Variants in STXBP5 observed in about 807,000 individuals in gnomAD.
STXBP5 encodes the protein syntaxin binding protein 5.
In STXBP5, 50 loss-of-function variants were observed where a neutral mutation model predicts 152.4. The ratio of observed to expected loss-of-function variants is 0.33; its 90% confidence interval spans 0.26 to 0.42. The LOEUF is 0.42. STXBP5 is among the 10% of genes least tolerant of loss of function. STXBP5 has a pLI of 1.00. For synonymous variants in STXBP5, 492 were observed against 494.7 expected, an observed-to-expected ratio of 0.99 and a Z score of 0.07; for missense variants, 1,167 against 1,388.6, an observed-to-expected ratio of 0.84 and a Z score of 2.54.
chr6:147,260,955 T>C (rs1779614153), intron 5 of STXBP5, among the ~76,000 whole-genome samples: 1 of 152,134 alleles, frequency 6.6e-6, no homozygotes, highest in Admixed American at 6.6e-5. Flanking sequence ...TATAGAGATA[T>C]ATGCACATTA....
intron 4 of STXBP5, among the ~76,000 whole-genome samples, chr6:147,242,331 G>GT (rs1194906051): frequency 1.3e-5 from 2 of 152,170 alleles, no homozygotes; most frequent in Admixed American, 1.3e-4. Flanking sequence ...CATTTAAAAT[G>GT]TTTATGACGT....
chr6:147,213,477 T>TGTGCGCGCGCGCGCGCGC, intron 2 of STXBP5, among the ~76,000 whole-genome samples: 60 of 131,310 alleles, frequency 4.6e-4, no homozygotes, highest in Non-Finnish European at 6.3e-4. Flanking sequence ...TGTGTGTGTG[T>TGTGCGCGCGCGCGCGCGC]GCGCGCGCAT....
At chr6:147,269,937 A>G (rs1159701346) in intron 7 of STXBP5, among the ~76,000 whole-genome samples, 3 of 152,204 alleles carry the variant, frequency 2.0e-5, no homozygotes, top group Non-Finnish European at 4.4e-5. Context: ...GATGAAAACT[A>G]TATACTCAGA....
chr6:147,337,064 A>G (rs917966572), intron 19 of STXBP5, among the ~76,000 whole-genome samples: 1 of 152,040 alleles, frequency 6.6e-6, no homozygotes, highest in Admixed American at 6.6e-5. Flanking sequence ...TGCATCCTGA[A>G]CGAATGAAGG....
chr6:147,314,673 A>G (rs1782552302), intron 14 of STXBP5, 37 bp downstream of exon 14: 2 of 1,497,370 alleles, frequency 1.3e-6, no homozygotes, highest in Admixed American at 1.9e-5. Context: ...GTTATATGTT[A>G]TACAATCACT....
At chr6:147,330,704 G>A (rs1162469929) in intron 18 of STXBP5, among the ~76,000 whole-genome samples, 3 of 152,150 alleles carry the variant, frequency 2.0e-5, no homozygotes, top group Non-Finnish European at 2.9e-5. Context: ...ATGGCAGCCT[G>A]TTGACATAAT....
Position 147,359,143 on chromosome 6 carries a change from G to A in STXBP5, c.2365G>A (p.Glu789Lys). Reference protein sequence around the residue: ...RSSSVTSIDKESREAISALHF... With the variant: ...RSSSVTSIDKKSREAISALHF... ...TTCAAGTGTAACAAGCATTGACAAA[G>A]AATCCCGAGAAGCGATCTCCGCTCT... Residue 789 changes from glutamate to lysine, a missense_variant, in exon 23 of 28, where the codon GAA becomes AAA. Glu to Lys is a moderately conservative substitution (Grantham distance 56). This residue lies in a region of STXBP5 where 833 missense variants were observed against 986.3 expected (regional missense o/e 0.84). Transcript: ENST00000321680. 6.2e-7 allele frequency: 1 copy of A among 1,613,938 alleles called. No homozygotes were observed. The highest frequency in any genetic ancestry group is 8.5e-7 in the Non-Finnish European group (1 of 1,179,900).
At chr6:147,282,434 T>C (rs1780746003) in intron 8 of STXBP5, among the ~76,000 whole-genome samples, 1 of 152,200 alleles carries the variant, frequency 6.6e-6, no homozygotes, top group Non-Finnish European at 1.5e-5. Context: ...ATGTGTGAAA[T>C]ACCTTGTGGA....
At chr6:147,379,372 T>C (rs1013835778) in intron 26 of STXBP5, among the ~76,000 whole-genome samples, 1 of 152,062 alleles carries the variant, frequency 6.6e-6, no homozygotes, top group Non-Finnish European at 1.5e-5. Context: ...AGAATCTCCA[T>C]GGGGAAAGTA....
At chr6:147,272,473 TG>T (rs1455601969) in intron 7 of STXBP5, among the ~76,000 whole-genome samples, 2 of 152,230 alleles carry the variant, frequency 1.3e-5, no homozygotes, top group Non-Finnish European at 2.9e-5. Flanking sequence ...TTTCTGGCTT[TG>T]TTTCCATGAG....
In STXBP5 at chr6:147,347,795, T is replaced by C. The variant is rs76211556; in HGVS notation, c.2255-5528T>C. Among the ~76,000 whole-genome samples, 1,095 of 152,344 alleles carry C rather than the reference T, an allele frequency of 7.2e-3. 13 individuals are homozygous for C. The highest frequency in any genetic ancestry group is 0.025 in the African/African-American group (1,050 of 41,586). On this transcript the variant is annotated intron_variant, in intron 21 of 27. Coordinates refer to ENST00000321680, the MANE Select transcript of STXBP5 (RefSeq NM_001127715.4). ...TTGAAATATAGTAGTTCCTTTAGCTTCACTTTAGTTAGATGTAAGGAAAAG... is the reference window on the plus strand; with the variant it reads ...TTGAAATATAGTAGTTCCTTTAGCTCCACTTTAGTTAGATGTAAGGAAAAG...
At chr6:147,219,164 G>A (rs985452526) in intron 2 of STXBP5, among the ~76,000 whole-genome samples, 1 of 152,040 alleles carries the variant, frequency 6.6e-6, no homozygotes, top group African/African-American at 2.4e-5. Context: ...ATGAGTGTTG[G>A]ATTTTCTGCA....
intron 9 of STXBP5, among the ~76,000 whole-genome samples, chr6:147,296,219 G>A (rs996801897): frequency 1.3e-5 from 2 of 151,712 alleles, no homozygotes; most frequent in Admixed American, 6.6e-5. Flanking sequence ...TGTGCCTTCA[G>A]TAGGAAAAAA....
intron 2 of STXBP5, among the ~76,000 whole-genome samples, chr6:147,220,804 T>G (rs1777420174): frequency 6.6e-6 from 1 of 152,152 alleles, no homozygotes. Context: ...TGGGTCTTAG[T>G]TTTAGATCCA....
At chr6:147,379,519 C>A (rs1035399435) in intron 26 of STXBP5, among the ~76,000 whole-genome samples, 5 of 152,120 alleles carry the variant, frequency 3.3e-5, no homozygotes, top group African/African-American at 1.2e-4. Context: ...TATATATACA[C>A]ATATACACTT....
At chr6:147,251,609 A>G (rs1779100404) in intron 4 of STXBP5, among the ~76,000 whole-genome samples, 1 of 151,532 alleles carries the variant, frequency 6.6e-6, no homozygotes, top group Non-Finnish European at 1.5e-5. Context: ...TATAGATGAA[A>G]CTCCCATCTC....
At position 147,363,214 on chromosome 6, in the gene STXBP5, T is replaced by A. The variant is rs1002806234; in HGVS notation, c.2546-121T>A. The A allele has an allele frequency of 4.9e-6, 5 of 1,014,602 alleles. No individual in the cohort carries two copies. The African/African-American group carries it at 8.1e-5, about 16-fold the overall frequency. 62.8% of individuals were successfully genotyped at this position (1,014,602 alleles called of 1,614,324 possible). A position where few individuals can be genotyped will look rare whatever the true frequency, so the allele number is the denominator to read the frequency against. ...AGTCCGAATCCTGTCAATGAGCCAGTGTTCAGTTCAATATGCGTTCAGCAT... is the reference window on the plus strand; with the variant it reads ...AGTCCGAATCCTGTCAATGAGCCAGAGTTCAGTTCAATATGCGTTCAGCAT... On this transcript the variant is annotated intron_variant, in intron 23 of 27. Coordinates refer to ENST00000321680, the MANE Select transcript of STXBP5 (RefSeq NM_001127715.4).
At position 147,390,012 on chromosome 6, in the gene STXBP5, C is replaced by T. The variant is rs1213156434; in HGVS notation, c.*5257C>T. 1.3e-5 allele frequency: 2 copies of T among 151,924 alleles called. No individual in the cohort carries two copies. Among genetic ancestry groups the T allele is most frequent in the Non-Finnish European group, 2.9e-5 (2 of 67,896 alleles). 9.4% of individuals were successfully genotyped at this position (151,924 alleles called of 1,614,324 possible). A position where few individuals can be genotyped will look rare whatever the true frequency, so the allele number is the denominator to read the frequency against. ...TAAGTTTTTCTAACATTGTCCACTT[C>T]AGGGGCAAGCATGCTTGGTATAGAG... On this transcript the variant is annotated 3_prime_UTR_variant, in exon 28 of 28. Coordinates refer to ENST00000321680, the MANE Select transcript of STXBP5 (RefSeq NM_001127715.4).
rs755367256 is a variant in STXBP5 at position 147,315,654 on chromosome 6, A to G, written c.1542A>G (p.Arg514=). The change falls in exon 15 of 28, where the codon AGA becomes AGG. Residue 514 remains arginine (R), a synonymous_variant. Transcript: ENST00000321680. ...IQIISWCPES[R]MLCIAGVSAH... is the part of the protein sequence containing the mutation. The stretch of plus-strand genomic sequence containing the variant: ...TCATCTCCTGGTGTCCAGAAAGTAG[A>G]ATGCTGTGCATCGCTGGAGTTTCAG... The G allele has an allele frequency of 6.2e-7, 1 of 1,613,948 alleles. No homozygotes were observed. Among genetic ancestry groups the G allele is most frequent in the Admixed American group, 1.7e-5 (1 of 60,006 alleles).
Sources: gnomAD v4.1 joint callset for allele counts (sites outside exome capture counted in the v4.1 genomes callset) on GRCh38, gnomAD v4.1.1 for gene constraint, gnomAD v4.1.1 regional missense constraint, MANE v1.5 for transcripts, NCBI Gene and HGNC (gene_info 2026-07-23, HGNC 2026-07-21) for gene names.